The following KNTC1 variants were observed in gnomAD, a reference collection of about 807,000 sequenced individuals.
KNTC1 encodes the protein kinetochore-associated protein 1.
Under a neutral mutation model 314.4 loss-of-function variants are expected in KNTC1, and 253 were observed. The ratio of observed to expected loss-of-function variants is 0.80; its 90% CI spans 0.73 to 0.89. The LOEUF is 0.89. Ranked by LOEUF, KNTC1 falls within the 40% of genes least tolerant of loss-of-function variation. The pLI is 0.00. For synonymous variants in KNTC1, 901 were observed against 901.4 expected (o/e 1.00, Z 0.01); for missense variants, 2,475 against 2,572.9 (o/e 0.96, Z 0.82).
chr12:122,538,800 T>G (rs1178587693), intron 4 of KNTC1, among the ~76,000 whole-genome samples: 1 of 151,968 alleles, frequency 6.6e-6, no homozygotes, highest in Admixed American at 6.6e-5. Flanking sequence ...AAAAAGGGAG[T>G]GATTTGTAGG....
intron 40 of KNTC1, 96 bp downstream of exon 40, chr12:122,588,912 G>C: frequency 1.5e-6 from 1 of 654,712 alleles, no homozygotes; most frequent in Non-Finnish European, 2.4e-6. Context: ...ATTCAGTACA[G>C]TAGTATTTTA....
At chr12:122,544,050 CAAAA>C (rs34718872) in intron 7 of KNTC1, 105 bp from the exon 8 acceptor site, 214 of 328,744 alleles carry the variant, frequency 6.5e-4, no homozygotes, top group South Asian at 1.1e-3. Flanking sequence ...ACTCTGTCTC[CAAAA>C]AAAAAAAAAA....
intron 37 of KNTC1, among the ~76,000 whole-genome samples, chr12:122,586,049 A>G (rs1328854302): frequency 1.4e-5 from 2 of 146,070 alleles, no homozygotes; most frequent in African/African-American, 5.2e-5. Context: ...GGAGCTGGCA[A>G]TGTTTTGTTT....
At chr12:122,543,690 A>G in intron 7 of KNTC1, 56 bp downstream of exon 7, 1 of 1,060,068 alleles carries the variant, frequency 9.4e-7, no homozygotes, top group Non-Finnish European at 1.4e-6. Flanking sequence ...ATATTAATGT[A>G]GTAGAATGTT....
chr12:122,551,427 C>T, intron 14 of KNTC1, 31 bp from the exon 15 acceptor site: 1 of 1,553,276 alleles, frequency 6.4e-7, no homozygotes, highest in Non-Finnish European at 8.8e-7. Context: ...TATTAAAAGA[C>T]AAGCGCATTT....
intron 21 of KNTC1, among the ~76,000 whole-genome samples, chr12:122,569,322 G>A (rs1216724669): frequency 6.6e-6 from 1 of 152,144 alleles, no homozygotes; most frequent in Non-Finnish European, 1.5e-5. Context: ...TCCCTTTAAG[G>A]TTGGCCAAAG....
Position 122,570,873 on chromosome 12 carries a change from C to T in KNTC1, c.1861-3C>T, listed in dbSNP as rs1964639954. ...AATTTCATTTTTAAATAATCTATTT[C>T]AGATAATTCTTGCAAAATGGTTGGA... On this transcript the variant is annotated splice_polypyrimidine_tract_variant and splice_region_variant and intron_variant, in intron 22 of 63. Coordinates refer to ENST00000333479, the MANE Select transcript of KNTC1 (RefSeq NM_014708.6). 1 of 1,524,158 alleles carries T rather than the reference C, an allele frequency of 6.6e-7. No homozygotes were observed. The highest frequency in any genetic ancestry group is 8.9e-7 in the Non-Finnish European group (1 of 1,122,144). 94.4% of individuals were successfully genotyped at this position (1,524,158 alleles called of 1,614,324 possible).
rs1874312685 is a variant in KNTC1, at chr12:122,620,531, C to T, written c.6202C>T (p.Gln2068Ter). 1.2e-6 allele frequency: 2 copies of T among 1,613,458 alleles called. No individual in the cohort carries two copies. Among genetic ancestry groups the T allele is most frequent in the Non-Finnish European group, 1.7e-6 (2 of 1,179,572 alleles). Residue 2068 changes from glutamine to a stop codon, truncating the protein, a stop_gained, in exon 60 of 64, where the codon CAG becomes TAG. Transcript: ENST00000333479. LOFTEE classifies it high-confidence loss of function. ...GATCGGAGTCGCCAGGCAGTATATC[C>T]AGTTAGAACTTCCGGCTTTTGCATT... ...DLIGVARQYI[Q>*]LELPAFALAC...
chr12:122,599,299 G>A (rs1474272887), intron 44 of KNTC1, among the ~76,000 whole-genome samples: 2 of 151,842 alleles, frequency 1.3e-5, no homozygotes, highest in Non-Finnish European at 2.9e-5. Context: ...GATCTTCTGA[G>A]AATTGGAATG....
intron 44 of KNTC1, 119 bp downstream of exon 44, chr12:122,598,057 A>G (rs1175077962): frequency 2.8e-6 from 2 of 720,792 alleles, no homozygotes; most frequent in Non-Finnish European, 4.5e-6. Flanking sequence ...TTTAATTTGA[A>G]ATATTCTCTT....
intron 57 of KNTC1, chr12:122,617,479 C>T (rs1249112343): frequency 9.3e-6 from 4 of 427,890 alleles, no homozygotes; most frequent in Non-Finnish European, 1.9e-5. Context: ...CTGCCTTGGC[C>T]TCCCAAAGTA....
At chr12:122,559,159 G>A (rs1339337707) in intron 18 of KNTC1, among the ~76,000 whole-genome samples, 1 of 151,380 alleles carries the variant, frequency 6.6e-6, no homozygotes, top group African/African-American at 2.4e-5. Flanking sequence ...CCATTGTGAC[G>A]AACATGGTGA....
Position 122,582,685 on chromosome 12 carries a change from C to A in KNTC1, c.2983-20C>A. ...AGATTAAACAGACTTGGGACTTTGTCTTGCTTACCTTTGCTACAGGAGAAC... is the reference window on the plus strand; with the variant it reads ...AGATTAAACAGACTTGGGACTTTGTATTGCTTACCTTTGCTACAGGAGAAC... On this transcript the variant is annotated intron_variant, in intron 33 of 63. Transcript: ENST00000333479. The A allele has an allele frequency of 6.4e-7, 1 of 1,558,844 alleles. No homozygotes were observed. Among genetic ancestry groups the A allele is most frequent in the South Asian group, 1.2e-5 (1 of 84,396 alleles).
intron 42 of KNTC1, among the ~76,000 whole-genome samples, chr12:122,592,031 C>A (rs1458750268): frequency 6.6e-6 from 1 of 152,276 alleles, no homozygotes; most frequent in Middle Eastern, 3.4e-3. Context: ...GAGGGAGAGG[C>A]GCGAGCAGGA....
At position 122,620,509 on chromosome 12, in the gene KNTC1, C is replaced by T. The variant is rs373245345; in HGVS notation, c.6180C>T (p.Ile2060=). The T allele has an allele frequency of 3.7e-5, 59 of 1,612,982 alleles. No individual in the cohort carries two copies. The highest frequency in any genetic ancestry group is 4.3e-5 in the Non-Finnish European group (51 of 1,179,346). ...ECPVSGDLDL[I]GVARQYIQLE... is the part of the protein sequence containing the mutation. ...CAGTCTCAGGTGATCTTGACCTGAT[C>T]GGAGTCGCCAGGCAGTATATCCAGT... Residue 2060 remains isoleucine, a synonymous_variant, in exon 60 of 64, where the codon ATC becomes ATT. Coordinates refer to ENST00000333479, the MANE Select transcript of KNTC1 (RefSeq NM_014708.6).
chr12:122,575,278 C>T (rs569622210), intron 27 of KNTC1, among the ~76,000 whole-genome samples: 2 of 152,180 alleles, frequency 1.3e-5, no homozygotes, highest in African/African-American at 4.8e-5. Context: ...ACAAAAAAAA[C>T]CCAGGGATTG....
chr12:122,548,388 T>C (rs925947538), intron 12 of KNTC1, among the ~76,000 whole-genome samples: 2 of 151,930 alleles, frequency 1.3e-5, no homozygotes, highest in Non-Finnish European at 2.9e-5. Context: ...TTTTGTACTT[T>C]TAGTAGAGAT....
At chr12:122,540,794 TAAC>T (rs1246304725) in intron 5 of KNTC1, among the ~76,000 whole-genome samples, 2 of 152,210 alleles carry the variant, frequency 1.3e-5, no homozygotes, top group Non-Finnish European at 2.9e-5. Flanking sequence ...CAAAAGAAGT[TAAC>T]AATGTTTTTG....
At chr12:122,622,303 C>G (rs995706451) in intron 61 of KNTC1, among the ~76,000 whole-genome samples, 159 bp from the exon 62 acceptor site, 2 of 152,052 alleles carry the variant, frequency 1.3e-5, no homozygotes, top group Non-Finnish European at 2.9e-5. Flanking sequence ...TTTACCCCCT[C>G]AAAAAGGAGG....
Sources: gnomAD v4.1 joint callset for allele counts (sites outside exome capture counted in the v4.1 genomes callset) on GRCh38, gnomAD v4.1.1 for gene constraint, MANE v1.5 for transcripts, NCBI Gene and HGNC (gene_info 2026-07-23, HGNC 2026-07-21) for gene names.